ATP2C1: variants seen among roughly 807,000 people sequenced by gnomAD.
The protein encoded by ATP2C1 is calcium-transporting ATPase type 2C member 1.
A neutral mutation model predicts 120.5 loss-of-function variants in ATP2C1; 31 were observed. The observed-to-expected ratio is 0.26, with a 90% CI of 0.19 to 0.35. The LOEUF (loss-of-function observed/expected upper bound fraction) is 0.35. ATP2C1 is among the 10% of genes least tolerant of loss of function. The probability of loss-of-function intolerance (pLI) is 1.00; values close to 1 mark genes in which losing one functional copy is unlikely to be tolerated. For missense variants in ATP2C1, 731 were observed against 1,107.5 expected (o/e 0.66, Z 4.83); for synonymous variants, 351 against 358.7 (o/e 0.98, Z 0.24).
At chr3:131,012,877 A>AT (rs1441540096) in intron 26 of ATP2C1, among the ~76,000 whole-genome samples, 1 of 152,192 alleles carries the variant, frequency 6.6e-6, no homozygotes, top group African/African-American at 2.4e-5. Context: ...ACACTGGCTG[A>AT]TGCTGGGCTT....
At chr3:130,999,419 A>G in intron 26 of ATP2C1, 99 bp from the exon 27 acceptor site, 1 of 1,197,652 alleles carries the variant, frequency 8.3e-7, no homozygotes, top group Non-Finnish European at 1.2e-6. Flanking sequence ...CAATTCAGTG[A>G]TAAAGTGACA....
chr3:130,988,765 A>G (rs2062147966), intron 20 of ATP2C1, among the ~76,000 whole-genome samples: 1 of 152,202 alleles, frequency 6.6e-6, no homozygotes, highest in African/African-American at 2.4e-5. Flanking sequence ...GTTCTAGGCA[A>G]GATTAGGCAG....
chr3:131,000,993 C>T (rs2062856605), intron 27 of ATP2C1, among the ~76,000 whole-genome samples: 1 of 149,524 alleles, frequency 6.7e-6, no homozygotes, highest in Admixed American at 6.7e-5. Flanking sequence ...ATCCCAGCCA[C>T]TTGGGAGGCT....
intron 6 of ATP2C1, among the ~76,000 whole-genome samples, chr3:130,939,971 T>C (rs1374848833): frequency 6.6e-6 from 1 of 152,228 alleles, no homozygotes; most frequent in Non-Finnish European, 1.5e-5. Flanking sequence ...GCAAGACTGC[T>C]CATGGAAATG....
At chr3:130,945,674 G>A (rs1417684127) in intron 8 of ATP2C1, among the ~76,000 whole-genome samples, 3 of 152,052 alleles carry the variant, frequency 2.0e-5, no homozygotes, top group African/African-American at 7.2e-5. Flanking sequence ...CTTCATCCAT[G>A]TCCCTACAAA....
At chr3:130,963,583 G>T (rs1052019424) in intron 12 of ATP2C1, 22 of 216,134 alleles carry the variant, frequency 1.0e-4, no homozygotes, top group East Asian at 5.8e-4. Context: ...CCATCTTTTG[G>T]CTATCGTGAA....
chr3:130,957,493 T>C (rs1488915876), intron 11 of ATP2C1, among the ~76,000 whole-genome samples: 2 of 152,202 alleles, frequency 1.3e-5, no homozygotes, highest in Admixed American at 6.5e-5. Context: ...TTTTCTCCTT[T>C]AATTTTCTTA....
upstream of ATP2C1, among the ~76,000 whole-genome samples, chr3:130,889,338 C>A (rs568238798): frequency 1.3e-5 from 2 of 152,236 alleles, no homozygotes; most frequent in East Asian, 3.9e-4. Context: ...AACAAAATGA[C>A]CTTATTCGAG....
chr3:130,872,659 A>C (rs1000275727), intron 1 of ATP2C1, among the ~76,000 whole-genome samples: 2 of 151,460 alleles, frequency 1.3e-5, no homozygotes. Flanking sequence ...AAATCGGCTC[A>C]CTGCAACCTC....
At position 130,855,446 on chromosome 3, in the gene ATP2C1, A is replaced by G. The variant is rs1403578273; in HGVS notation, c.108+4518A>G. Among the ~76,000 whole-genome samples the G allele has an allele frequency of 2.0e-5, 3 of 152,268 alleles. No individual in the cohort carries two copies. In the East Asian group the frequency reaches 5.8e-4, roughly 29 times the overall value. ...GAGGTGTTTTTATGCAGGTGAGGGT[A>G]AGAGATGGTGAAAATAGGGTTATTA... On this transcript the variant is annotated intron_variant, in intron 1 of 26. Coordinates refer to the ATP2C1 transcript ENST00000504381.
intron 1 of ATP2C1, among the ~76,000 whole-genome samples, chr3:130,886,729 A>C (rs572056949): frequency 6.6e-6 from 1 of 152,256 alleles, no homozygotes; most frequent in African/African-American, 2.4e-5. Context: ...TTATCTGATA[A>C]AATTCTGAAT....
chr3:130,956,797 T>C (rs560363688), intron 11 of ATP2C1, among the ~76,000 whole-genome samples: 11 of 152,196 alleles, frequency 7.2e-5, no homozygotes, highest in Non-Finnish European at 1.5e-4. Flanking sequence ...GATTTCACAG[T>C]TCATTATTAG....
intron 18 of ATP2C1, 97 bp downstream of exon 18, chr3:130,975,585 C>T (rs1016791434): frequency 2.9e-5 from 40 of 1,374,938 alleles, no homozygotes; most frequent in Non-Finnish European, 4.0e-5. Context: ...GTCCAACTCA[C>T]TTCCAGGATT....
intron 2 of ATP2C1, among the ~76,000 whole-genome samples, chr3:130,909,856 A>T (rs1330266875): frequency 6.6e-6 from 1 of 151,506 alleles, no homozygotes; most frequent in African/African-American, 2.4e-5. Flanking sequence ...GGTTTTATAT[A>T]TATATTTATA....
Position 130,994,017 on chromosome 3 carries a change from T to C in ATP2C1, c.1976T>C (p.Val659Ala). ...GCTCTGAAGGCTGCAGACATTGGAG[T>C]TGCGATGGGCCAGACTGGTACAGAT... ...AVALKAADIG[V>A]AMGQTGTDVC... The change falls in exon 22 of 28, where the codon GTT (valine) becomes GCT (alanine). Residue 659 changes from valine (V) to alanine (A), a missense_variant. Physicochemically the swap from Val to Ala is moderately conservative, Grantham distance 64. Around this residue, in one of 3 missense-constraint regions of ATP2C1, gnomAD observed 571 missense variants for 845.9 expected, o/e 0.67. Coordinates refer to ENST00000510168, the MANE Select transcript of ATP2C1 (RefSeq NM_001378687.1). 6.2e-7 allele frequency: 1 copy of C among 1,614,038 alleles called. No homozygotes were observed. Among genetic ancestry groups the C allele is most frequent in the Non-Finnish European group, 8.5e-7 (1 of 1,179,980 alleles).
At chr3:130,887,671 A>C (rs957875124) in intron 1 of ATP2C1, among the ~76,000 whole-genome samples, 1 of 151,880 alleles carries the variant, frequency 6.6e-6, no homozygotes, top group African/African-American at 2.4e-5. Context: ...AGTTCAAAGG[A>C]TCTTCAGTCA....
exon 1 of ATP2C1, chr3:130,850,723 C>A: frequency 1.8e-6 from 1 of 546,614 alleles, no homozygotes; most frequent in Non-Finnish European, 3.1e-6. Context: ...TGTCGAGCTA[C>A]AAACAAATCT....
intron 20 of ATP2C1, among the ~76,000 whole-genome samples, chr3:130,982,711 G>A (rs533777484): frequency 6.6e-6 from 1 of 152,252 alleles, no homozygotes; most frequent in African/African-American, 2.4e-5. Context: ...TATATATTCA[G>A]AATGTGGAAT....
chr3:130,903,177 C>A (rs1479955369), intron 2 of ATP2C1, among the ~76,000 whole-genome samples: 1 of 151,910 alleles, frequency 6.6e-6, no homozygotes, highest in Non-Finnish European at 1.5e-5. Flanking sequence ...AAATAACCTG[C>A]CTGTTTTTCA....
Sources: gnomAD v4.1 joint callset for allele counts (sites outside exome capture counted in the v4.1 genomes callset) on GRCh38, gnomAD v4.1.1 for gene constraint, gnomAD v4.1.1 regional missense constraint, MANE v1.5 for transcripts, NCBI Gene and HGNC (gene_info 2026-07-23, HGNC 2026-07-21) for gene names.